The following RASIP1 variants were observed in gnomAD, a reference collection of about 807,000 sequenced individuals.
The protein encoded by RASIP1 is Ras interacting protein 1.
RASIP1 carries 20 observed loss-of-function variants against 85.3 expected under a neutral mutation model. The ratio of observed to expected loss-of-function variants is 0.23; its 90% CI spans 0.17 to 0.34. The LOEUF is 0.34. Ranked by LOEUF, RASIP1 falls within the 10% of genes least tolerant of loss-of-function variation. RASIP1 has a pLI of 1.00. For missense variants in RASIP1, 1,170 were observed against 1,390.9 expected, an observed-to-expected ratio of 0.84 and a Z score of 2.53; for synonymous variants, 617 against 647.1, an observed-to-expected ratio of 0.95 and a Z score of 0.71.
intron 3 of RASIP1, among the ~76,000 whole-genome samples, chr19:48,735,956 C>T (rs1224377560): frequency 1.3e-5 from 2 of 151,714 alleles, no homozygotes; most frequent in East Asian, 2.0e-4. Flanking sequence ...CCACAACGCC[C>T]GGTTAATTTT....
intron 3 of RASIP1, among the ~76,000 whole-genome samples, chr19:48,736,403 A>G (rs2033574126): frequency 6.6e-6 from 1 of 151,918 alleles, no homozygotes; most frequent in Non-Finnish European, 1.5e-5. Flanking sequence ...ACTCCGTCTC[A>G]AAAAACAAAA....
chr19:48,731,284 T>C (rs1357716353), intron 4 of RASIP1, among the ~76,000 whole-genome samples: 1 of 150,382 alleles, frequency 6.6e-6, no homozygotes, highest in African/African-American at 2.5e-5. Flanking sequence ...AAAGAGATAA[T>C]CCCCCTTCCA....
chr19:48,721,141 T>C (rs1360928012), intron 11 of RASIP1, 144 bp from the exon 12 acceptor site: 3 of 671,750 alleles, frequency 4.5e-6, no homozygotes, highest in Non-Finnish European at 7.4e-6. Flanking sequence ...GTTCACACGC[T>C]ACTCTAGGAG....
chr19:48,722,564 T>C (rs1365005322), intron 10 of RASIP1, among the ~76,000 whole-genome samples: 1 of 152,132 alleles, frequency 6.6e-6, no homozygotes, highest in Non-Finnish European at 1.5e-5. Context: ...GTTCTAGGAT[T>C]ACAGGCATGA....
At chr19:48,730,402 T>A (rs2033434288) in intron 4 of RASIP1, among the ~76,000 whole-genome samples, 1 of 152,052 alleles carries the variant, frequency 6.6e-6, no homozygotes, top group Admixed American at 6.6e-5. Context: ...GACCTTGTGA[T>A]CCGCCTGCCT....
At position 48,738,629 on chromosome 19, in the gene RASIP1, C is replaced by T; in HGVS notation, c.823+331G>A. The T allele has an allele frequency of 4.8e-6, 1 of 206,744 alleles. No homozygotes were observed. The allele number at this position is 206,744 out of a possible 1,614,324, so 12.8% of individuals were successfully genotyped here. On this transcript the variant is annotated intron_variant, in intron 3 of 11. Coordinates refer to ENST00000222145, the MANE Select transcript of RASIP1 (RefSeq NM_017805.3). The surrounding 1 kb of genome is among the most constrained non-coding windows in gnomAD (Gnocchi z 4.0). ...CAGTCTGAAATGCCTGCAGAAGGCCCTAACCCCAATTCGGAGCCACTTCAG... is the reference window on the plus strand; with the variant it reads ...CAGTCTGAAATGCCTGCAGAAGGCCTTAACCCCAATTCGGAGCCACTTCAG...
chr19:48,734,610 C>T (rs1207533016), intron 4 of RASIP1, among the ~76,000 whole-genome samples: 1 of 151,998 alleles, frequency 6.6e-6, no homozygotes, highest in Non-Finnish European at 1.5e-5. Flanking sequence ...GCCTCAGCCT[C>T]CTGAGTAGCT....
intron 3 of RASIP1, chr19:48,737,481 A>G (rs2033593840): frequency 1.0e-6 from 1 of 985,324 alleles, no homozygotes; most frequent in Non-Finnish European, 1.2e-6. Context: ...CTTCGCCTCT[A>G]CAGTGATATC....
chr19:48,729,606 G>A lies in RASIP1; in HGVS notation c.1180-16C>T, dbSNP rs1355480004. ...CCACAAAGTCCTGGAGGGGAAACGA[G>A]GATGCACTAAGGACATCACTTCAAT... On this transcript the variant is annotated splice_polypyrimidine_tract_variant and intron_variant, in intron 4 of 11. Transcript: ENST00000222145. The A allele has an allele frequency of 1.3e-6, 2 of 1,576,104 alleles. No individual in the cohort carries two copies. The highest frequency in any genetic ancestry group is 2.3e-5 in the East Asian group (1 of 42,730).
intron 4 of RASIP1, among the ~76,000 whole-genome samples, chr19:48,733,389 C>T (rs2033497822): frequency 6.6e-6 from 1 of 152,202 alleles, no homozygotes; most frequent in Admixed American, 6.5e-5. Flanking sequence ...TCCTTTCTTC[C>T]TCTTTTGTAC....
chr19:48,737,793 T>C lies in RASIP1; in HGVS notation c.823+1167A>G, dbSNP rs956584103. 5 of 984,482 alleles carry C rather than the reference T, an allele frequency of 5.1e-6. No individual in the cohort carries two copies. In the African/African-American group the frequency reaches 8.8e-5, roughly 17 times the overall value. 61.0% of individuals were successfully genotyped at this position (984,482 alleles called of 1,614,324 possible). A position where few individuals can be genotyped will look rare whatever the true frequency, so the allele number is the denominator to read the frequency against. The stretch of plus-strand genomic sequence containing the variant: ...CAGTTTTTGCCCCAGACCACGCTTT[T>C]CCACAAGCCCCGCCCCACCACAGGC... On this transcript the variant is annotated intron_variant, in intron 3 of 11. Coordinates refer to ENST00000222145, the MANE Select transcript of RASIP1 (RefSeq NM_017805.3).
intron 3 of RASIP1, chr19:48,737,728 C>T (rs893571127): frequency 2.0e-6 from 2 of 985,356 alleles, no homozygotes; most frequent in Non-Finnish European, 2.4e-6. Context: ...ACCACAGAGA[C>T]CCATGCTCAC....
chr19:48,724,347 G>A lies in RASIP1; in HGVS notation c.2534C>T (p.Ser845Phe). ...AVNLLCVPRT[S>F]LLKASWSSLR... ...CTGACCAGGAGTCACCTTGAGCAGG[G>A]AAGTGCGGGGCACACAGAGCAGGTT... is the stretch of plus-strand genomic sequence containing the variant. Residue 845 changes from serine (S) to phenylalanine (F), a missense_variant, in exon 10 of 12, where the codon TCC becomes TTC. Ser to Phe is a radical substitution (Grantham distance 155). Around this residue, in one of 4 missense-constraint regions of RASIP1, gnomAD observed 426 missense variants for 576.2 expected, o/e 0.74. Coordinates refer to ENST00000222145, the MANE Select transcript of RASIP1 (RefSeq NM_017805.3). This position sits in a 1 kb window ranked among gnomAD's most constrained non-coding sequence, Gnocchi z 4.6. 6.2e-7 allele frequency: 1 copy of A among 1,613,914 alleles called. No individual in the cohort carries two copies. Among genetic ancestry groups the A allele is most frequent in the Middle Eastern group, 1.6e-4 (1 of 6,062 alleles).
intron 4 of RASIP1, among the ~76,000 whole-genome samples, chr19:48,730,676 C>G (rs908005647): frequency 3.3e-5 from 5 of 152,088 alleles, no homozygotes; most frequent in African/African-American, 1.2e-4. Context: ...ATATATTTCC[C>G]CTTCCAATAA....
chr19:48,737,935 TTTTGTTTGTTTG>T (rs139280532), intron 3 of RASIP1: 11 of 985,190 alleles, frequency 1.1e-5, no homozygotes, highest in Non-Finnish European at 1.2e-5. Context: ...GAGGACAGTT[TTTTGTTTGTTTG>T]TTTGTTTGTT....
Position 48,724,959 on chromosome 19 carries a change from G to A in RASIP1, c.2129C>T (p.Thr710Ile), listed in dbSNP as rs756174903. The part of the protein sequence containing the change: ...FQQSVYYLTK[T>I]LYSTLPALLD... ...GAGAGCAGGCAGCGTTGAATAGAGA[G>A]TCTGAGAAAATAGAGAAGTGGAAAC... Residue 710 changes from threonine (T) to isoleucine (I), a missense_variant and splice_region_variant, in exon 9 of 12, where the codon ACT (threonine) becomes ATT (isoleucine). Physicochemically the swap from Thr to Ile is moderately conservative, Grantham distance 89 (BLOSUM62 -1). This residue lies in a region of RASIP1 where 426 missense variants were observed against 576.2 expected (regional missense o/e 0.74). Transcript: ENST00000222145. The surrounding 1 kb of genome is among the most constrained non-coding windows in gnomAD (Gnocchi z 4.6). The A allele has an allele frequency of 7.5e-6, 12 of 1,609,318 alleles. 2 individuals are homozygous for A. In the South Asian group the frequency reaches 1.3e-4, roughly 18 times the overall value.
At chr19:48,723,014 T>G (rs896197764) in intron 10 of RASIP1, among the ~76,000 whole-genome samples, 7 of 151,524 alleles carry the variant, frequency 4.6e-5, no homozygotes, top group Admixed American at 1.3e-4. Flanking sequence ...GCTTCTGGAG[T>G]GGCTGGGACC....
intron 3 of RASIP1, among the ~76,000 whole-genome samples, chr19:48,737,115 G>A (rs1427399600): frequency 6.6e-6 from 1 of 152,168 alleles, no homozygotes; most frequent in East Asian, 1.9e-4. Context: ...ATACTTTGTC[G>A]AGGGGGTGGC....
rs1418796149 is a variant in RASIP1 at position 48,738,986 on chromosome 19, T to G, written c.797A>C (p.Glu266Ala). The change falls in exon 3 of 12, where the codon GAG (glutamate) becomes GCG (alanine). Residue 266 changes from glutamate (E) to alanine (A), a missense_variant. This residue lies in a region of RASIP1 where 301 missense variants were observed against 294.8 expected (regional missense o/e 1.02). Coordinates refer to ENST00000222145, the MANE Select transcript of RASIP1 (RefSeq NM_017805.3). This position sits in a 1 kb window ranked among gnomAD's most constrained non-coding sequence, Gnocchi z 4.0. ...GREEARRLEQ[E>A]AFGAADSEGT... Reference sequence around the variant, plus strand: ...TTCGCTGTCCGCGGCCCCGAAGGCCTCCTGCTCCAGGCGCCGCGCCTCCTC... The same window carrying G: ...TTCGCTGTCCGCGGCCCCGAAGGCCGCCTGCTCCAGGCGCCGCGCCTCCTC... The G allele has an allele frequency of 1.6e-6, 2 of 1,222,266 alleles. No individual in the cohort carries two copies. The highest frequency in any genetic ancestry group is 9.1e-5 in the Admixed American group (2 of 22,042). 75.7% of individuals were successfully genotyped at this position (1,222,266 alleles called of 1,614,324 possible).
Sources: gnomAD v4.1 joint callset for allele counts (sites outside exome capture counted in the v4.1 genomes callset) on GRCh38, gnomAD v4.1.1 for gene constraint, gnomAD v4.1.1 regional missense constraint, Gnocchi (gnomAD v3.1) non-coding constraint, MANE v1.5 for transcripts, NCBI Gene and HGNC (gene_info 2026-07-23, HGNC 2026-07-21) for gene names.